Variants in EFHD1 observed in about 807,000 individuals in gnomAD.
EFHD1 encodes EF-hand domain-containing protein D1.
EFHD1 carries 10 observed loss-of-function variants against 17.2 expected under a neutral mutation model. The ratio of observed to expected loss-of-function variants is 0.58; its 90% CI spans 0.36 to 0.99. EFHD1 has a LOEUF of 0.99. Among genes scored for constraint, EFHD1 ranks in the 50% least tolerant of loss-of-function variants. The pLI, the probability that EFHD1 is intolerant of heterozygous loss-of-function variation, is 0.01. For missense variants in EFHD1, 310 were observed against 327.5 expected, an observed-to-expected ratio of 0.95 and a Z score of 0.41; for synonymous variants, 153 against 142.0, an observed-to-expected ratio of 1.08 and a Z score of -0.55.
intron 1 of EFHD1, among the ~76,000 whole-genome samples, chr2:232,621,125 A>G (rs544493694): frequency 1.3e-5 from 2 of 152,222 alleles, no homozygotes; most frequent in East Asian, 1.9e-4. Context: ...CTGTTTCCAA[A>G]CCACCCTGAC....
At chr2:232,663,891 C>T (rs748090072) in intron 2 of EFHD1, among the ~76,000 whole-genome samples, 11 of 152,106 alleles carry the variant, frequency 7.2e-5, no homozygotes, top group Non-Finnish European at 1.5e-4. Context: ...CTTCTAGTCT[C>T]CATTGATCCT....
chr2:232,645,838 C>T (rs1559346779), intron 1 of EFHD1, among the ~76,000 whole-genome samples: 1 of 152,218 alleles, frequency 6.6e-6, no homozygotes, highest in Admixed American at 6.5e-5. Flanking sequence ...AGTCACACAC[C>T]TTGTAAGCGG....
rs201733685 is a variant in EFHD1, at chr2:232,672,263, C to T, written c.451-46C>T. The T allele has an allele frequency of 9.4e-5, 151 of 1,613,220 alleles. 1 individual carries two copies. In the East Asian group the frequency reaches 1.1e-3, roughly 12 times the overall value. On this transcript the variant is annotated intron_variant, in intron 2 of 3. Coordinates refer to ENST00000264059, the MANE Select transcript of EFHD1 (RefSeq NM_025202.4). The stretch of plus-strand genomic sequence containing the variant: ...TTGGACCAGAGGGCTGGTTATGAAT[C>T]TGTCAGTGAGACTGACTCTGGTTCC...
intron 1 of EFHD1, among the ~76,000 whole-genome samples, chr2:232,640,907 CAG>C (rs1179236074): frequency 6.6e-6 from 1 of 152,072 alleles, no homozygotes; most frequent in Non-Finnish European, 1.5e-5. Flanking sequence ...CTCCTGGAGA[CAG>C]AGAATGGGGG....
chr2:232,643,174 T>C (rs1038189290), intron 1 of EFHD1, among the ~76,000 whole-genome samples: 2 of 151,014 alleles, frequency 1.3e-5, no homozygotes, highest in African/African-American at 2.4e-5. Context: ...GAAATTAACA[T>C]GTAACCAGCT....
At chr2:232,642,373 C>CAAA (rs764647177) in intron 1 of EFHD1, among the ~76,000 whole-genome samples, 130 of 68,884 alleles carry the variant, frequency 1.9e-3, no homozygotes, top group African/African-American at 3.7e-3. Context: ...GACTCTGTCT[C>CAAA]AAAAAAAAAA....
In EFHD1 at chr2:232,633,996, ATGT is replaced by A; in HGVS notation, c.294_296del (p.Met98_Phe99delinsIle). Reference sequence around the variant, plus strand: ...CCGCCTCATCAAGGACCTGGAGAGCATGTTCAAACTGTGAGCTCCCGCTGCGCG... The same window carrying A: ...CCGCCTCATCAAGGACCTGGAGAGCATCAAACTGTGAGCTCCCGCTGCGCG... On this transcript the variant is annotated inframe_deletion, in exon 1 of 4. Transcript: ENST00000264059. 1 of 1,597,106 alleles carries A rather than the reference ATGT, an allele frequency of 6.3e-7. No homozygotes were observed. The highest frequency in any genetic ancestry group is 1.1e-5 in the South Asian group (1 of 91,058).
chr2:232,663,859 C>T (rs1694921920), intron 2 of EFHD1, among the ~76,000 whole-genome samples: 1 of 152,170 alleles, frequency 6.6e-6, no homozygotes, highest in Non-Finnish European at 1.5e-5. Context: ...AATCCTCAAT[C>T]ATGGCTCACT....
chr2:232,652,364 T>G (rs551581052), intron 1 of EFHD1, among the ~76,000 whole-genome samples: 2 of 152,272 alleles, frequency 1.3e-5, no homozygotes, highest in South Asian at 4.2e-4. Context: ...ATGGGGACAC[T>G]GAGCACACAC....
chr2:232,624,894 A>G (rs904520942), intron 1 of EFHD1, among the ~76,000 whole-genome samples: 2 of 152,162 alleles, frequency 1.3e-5, no homozygotes, highest in African/African-American at 2.4e-5. Context: ...TCTGCTGGTC[A>G]TGATTTAAAT....
chr2:232,607,597 A>G (rs111550106), intron 1 of EFHD1, among the ~76,000 whole-genome samples: 2 of 151,848 alleles, frequency 1.3e-5, no homozygotes, highest in African/African-American at 4.8e-5. Context: ...GTCTCAAAAA[A>G]AAAAAAAAAT....
At chr2:232,679,152 G>T (rs1357476251) in intron 3 of EFHD1, among the ~76,000 whole-genome samples, 2 of 152,150 alleles carry the variant, frequency 1.3e-5, no homozygotes, top group Non-Finnish European at 2.9e-5. Context: ...GGTATTAAAA[G>T]GAAATTCAGG....
chr2:232,670,886 A>C (rs1343733070), intron 2 of EFHD1, among the ~76,000 whole-genome samples: 1 of 152,240 alleles, frequency 6.6e-6, no homozygotes, highest in Non-Finnish European at 1.5e-5. Flanking sequence ...CAAACAATCT[A>C]ATGCAAAAAT....
chr2:232,641,789 C>T (rs1240657216), intron 1 of EFHD1, among the ~76,000 whole-genome samples: 1 of 152,234 alleles, frequency 6.6e-6, no homozygotes, highest in African/African-American at 2.4e-5. Context: ...ACTTCTCGGC[C>T]TTTCCTCCCA....
intron 1 of EFHD1, among the ~76,000 whole-genome samples, chr2:232,637,689 C>T (rs570087572): frequency 2.2e-4 from 33 of 152,162 alleles, no homozygotes; most frequent in Admixed American, 1.3e-3. Context: ...GTTCTGATGT[C>T]GCCTTAGTTC....
chr2:232,613,149 C>T (rs539116917), intron 1 of EFHD1, among the ~76,000 whole-genome samples: 3 of 149,804 alleles, frequency 2.0e-5, no homozygotes, highest in Admixed American at 6.7e-5. Context: ...CCAGGCCAGG[C>T]GTGGTGGCTC....
chr2:232,664,665 G>A (rs996742678), intron 2 of EFHD1, among the ~76,000 whole-genome samples: 6 of 137,362 alleles, frequency 4.4e-5, no homozygotes, highest in African/African-American at 1.1e-4. Context: ...CCAGGCTGGA[G>A]TGCAGTGGTG....
chr2:232,667,416 A>G (rs994738875), intron 2 of EFHD1, among the ~76,000 whole-genome samples: 10 of 152,118 alleles, frequency 6.6e-5, no homozygotes, highest in African/African-American at 2.4e-4. Context: ...GGCATGAGAG[A>G]TGGAGGGGGA....
intron 1 of EFHD1, among the ~76,000 whole-genome samples, chr2:232,638,722 T>A (rs1297524095): frequency 2.6e-5 from 4 of 152,170 alleles, no homozygotes; most frequent in Admixed American, 2.0e-4. Flanking sequence ...ATGGGAAAGA[T>A]GGGTGGAAAT....
Sources: allele counts gnomAD v4.1 joint callset (sites outside exome capture counted in the v4.1 genomes callset), GRCh38; gene constraint gnomAD v4.1.1; transcripts MANE v1.5; gene names NCBI Gene and HGNC (gene_info 2026-07-23, HGNC 2026-07-21).